PRH1: variants seen among roughly 807,000 people sequenced by gnomAD.
The protein encoded by PRH1 is proline rich protein HaeIII subfamily 1.
In PRH1, 7 loss-of-function variants were observed where a neutral mutation model predicts 7.9. That is an observed-to-expected ratio of 0.89 (90% CI 0.50 to 1.67). PRH1 has a LOEUF of 1.67. Ranked by LOEUF, PRH1 falls within the 40% of genes most tolerant of loss-of-function variation. PRH1 has a pLI of 0.00. For missense variants in PRH1, 109 were observed against 223.6 expected, an observed-to-expected ratio of 0.49 and a Z score of 3.27; for synonymous variants, 45 against 80.8, an observed-to-expected ratio of 0.56 and a Z score of 2.38.
chr12:11,133,305 C>G (rs1035968442), intron 1 of PRH1: 1 of 1,612,106 alleles, frequency 6.2e-7, no homozygotes, highest in South Asian at 1.1e-5. Flanking sequence ...CACAATGCCC[C>G]TCTTGTGAAT....
intron 2 of PRH1, among the ~76,000 whole-genome samples, chr12:10,966,285 C>A (rs1469866772): frequency 6.6e-6 from 1 of 152,120 alleles, no homozygotes; most frequent in Non-Finnish European, 1.5e-5. Flanking sequence ...CATTATTTGA[C>A]ATATAATCTT....
intron 2 of PRH1, among the ~76,000 whole-genome samples, chr12:10,955,173 A>G (rs909282713): frequency 2.6e-5 from 4 of 152,200 alleles, no homozygotes; most frequent in African/African-American, 9.7e-5. Context: ...AATCAGCCAC[A>G]CAACCTAACA....
intron 2 of PRH1, among the ~76,000 whole-genome samples, chr12:10,941,422 A>AATCC (rs763959326): frequency 3.3e-5 from 5 of 152,192 alleles, no homozygotes; most frequent in Non-Finnish European, 5.9e-5. Context: ...GCAGTGTCTT[A>AATCC]ATCCATTTCA....
At chr12:11,053,624 C>CTG (rs1943243370) in intron 1 of PRH1, among the ~76,000 whole-genome samples, 2 of 148,474 alleles carry the variant, frequency 1.3e-5, no homozygotes, top group Non-Finnish European at 3.0e-5. Flanking sequence ...AGACATTACC[C>CTG]AAATTATGTA....
chr12:10,885,845 T>C (rs1447176584), upstream of PRH1, among the ~76,000 whole-genome samples: 2 of 152,206 alleles, frequency 1.3e-5, no homozygotes. Flanking sequence ...GACAAGGCCC[T>C]AGACAGGTGT....
chr12:10,948,771 G>A (rs373005925), intron 2 of PRH1, among the ~76,000 whole-genome samples: 3,005 of 152,192 alleles, frequency 0.02, 34 homozygotes, highest in African/African-American at 0.031. Flanking sequence ...GTGTATATTA[G>A]GCACAGTAAA....
chr12:10,960,968 A>C (rs1182846189), intron 2 of PRH1, among the ~76,000 whole-genome samples: 1 of 152,148 alleles, frequency 6.6e-6, no homozygotes, highest in Non-Finnish European at 1.5e-5. Context: ...TCCTCATTTG[A>C]GGATATTGCT....
In PRH1 at chr12:11,095,431, AACAAG is replaced by A. The variant is rs1945051542; in HGVS notation, n.124-48248_124-48244del. ...GTCTTATCAATTGTATAATTACCCC[AACAAG>A]ACATTATTATTTTCTAAACATTCAT... On this transcript the variant is annotated intron_variant and non_coding_transcript_variant, in intron 1 of 4. Coordinates refer to the PRH1 transcript ENST00000541977. Among the ~76,000 whole-genome samples, 4 of 46,330 alleles carry A rather than the reference AACAAG, an allele frequency of 8.6e-5. 1 individual carries two copies. In the South Asian group the frequency reaches 2.2e-3, roughly 25 times the overall value. The allele number at this position is 46,330 out of a possible 152,430, so 30.4% of individuals were successfully genotyped here. A position where few individuals can be genotyped will look rare whatever the true frequency, so the allele number is the denominator to read the frequency against.
At position 10,987,449 on chromosome 12, in the gene PRH1, A is replaced by T. The variant is rs949106134; in HGVS notation, c.-125-13728T>A. 5.7e-4 allele frequency among the ~76,000 whole-genome samples: 87 copies of T among 152,250 alleles called. 1 individual carries two copies. Among genetic ancestry groups the T allele is most frequent in the African/African-American group, 2.0e-3 (85 of 41,504 alleles). On this transcript the variant is annotated intron_variant, in intron 1 of 3. Transcript: ENST00000539853. ...CCAAGGTTTTCTTGGGAACCATAAG[A>T]AGACCAAAACACCTTAAAATCTGGT...
intron 1 of PRH1, among the ~76,000 whole-genome samples, chr12:11,019,421 T>C (rs1941474593): frequency 6.6e-6 from 1 of 152,302 alleles, no homozygotes; most frequent in South Asian, 2.1e-4. Context: ...ATAAATGTCA[T>C]CACTGTAAAC....
intron 1 of PRH1, among the ~76,000 whole-genome samples, chr12:11,004,310 G>A (rs1940725017): frequency 6.6e-6 from 1 of 152,050 alleles, no homozygotes; most frequent in Non-Finnish European, 1.5e-5. Context: ...GCCTGGCCAA[G>A]ATGGTGAAAA....
chr12:11,069,162 T>C (rs76570373), intron 1 of PRH1, among the ~76,000 whole-genome samples: 62,448 of 128,892 alleles, frequency 0.48, 13,913 homozygotes, highest in Non-Finnish European at 0.57. Flanking sequence ...AAGAAATCTG[T>C]CTACCTAAAC....
intron 2 of PRH1, among the ~76,000 whole-genome samples, chr12:10,967,658 A>G (rs538299769): frequency 6.6e-6 from 1 of 152,208 alleles, no homozygotes; most frequent in South Asian, 2.1e-4. Context: ...TGTTTTTGGC[A>G]TAGCAGCTTG....
chr12:11,115,406 A>G (rs1006364415), intron 1 of PRH1, among the ~76,000 whole-genome samples: 1 of 145,086 alleles, frequency 6.9e-6, no homozygotes, highest in Non-Finnish European at 1.6e-5. Context: ...TAAAGCAAAT[A>G]CTATTAGACC....
chr12:10,994,191 C>A (rs1307197365), intron 1 of PRH1, among the ~76,000 whole-genome samples: 1 of 152,196 alleles, frequency 6.6e-6, no homozygotes, highest in Non-Finnish European at 1.5e-5. Flanking sequence ...TGACCCACAT[C>A]ACCCTTCCAT....
chr12:11,073,219 C>T (rs112049450), intron 1 of PRH1, among the ~76,000 whole-genome samples: 5,310 of 46,554 alleles, frequency 0.11, 616 homozygotes, highest in Non-Finnish European at 0.17. Context: ...GCAAACTTCG[C>T]CTCCTGGGTT....
chr12:11,028,080 G>C (rs968338874), intron 1 of PRH1, among the ~76,000 whole-genome samples: 1 of 152,118 alleles, frequency 6.6e-6, no homozygotes, highest in Non-Finnish European at 1.5e-5. Flanking sequence ...CAATTCCCCT[G>C]GCCAGCACCT....
In PRH1 at chr12:11,089,381, G is replaced by A. The variant is rs567475672; in HGVS notation, n.124-42193C>T. Among the ~76,000 whole-genome samples, 2 of 115,652 alleles carry A rather than the reference G, an allele frequency of 1.7e-5. 1 individual carries two copies. Among genetic ancestry groups the A allele is most frequent in the African/African-American group, 5.8e-5 (2 of 34,400 alleles). The allele number at this position is 115,652 out of a possible 152,430, so 75.9% of individuals were successfully genotyped here. A position where few individuals can be genotyped will look rare whatever the true frequency, so the allele number is the denominator to read the frequency against. The stretch of plus-strand genomic sequence containing the variant: ...ATTCTCCCTCCTCTCTCACTTCCAC[G>A]GACTAATGCCAGCTGTGGTTTCCCC... On this transcript the variant is annotated intron_variant and non_coding_transcript_variant, in intron 1 of 4. Coordinates refer to the PRH1 transcript ENST00000541977.
At chr12:11,112,962 A>T (rs190321374) in intron 1 of PRH1, among the ~76,000 whole-genome samples, 2 of 152,324 alleles carry the variant, frequency 1.3e-5, no homozygotes, top group East Asian at 3.9e-4. Flanking sequence ...TCAGGATAAA[A>T]AATCAACATG....
Sources: allele counts gnomAD v4.1 joint callset (sites outside exome capture counted in the v4.1 genomes callset), GRCh38; gene constraint gnomAD v4.1.1; transcripts MANE v1.5; gene names NCBI Gene and HGNC (gene_info 2026-07-23, HGNC 2026-07-21).